SPAG16: variants seen among roughly 807,000 people sequenced by gnomAD.
The protein encoded by SPAG16 is sperm-associated antigen 16 protein.
SPAG16 carries 86 observed loss-of-function variants against 80.4 expected under a neutral mutation model. The ratio of observed to expected loss-of-function variants is 1.07; its 90% CI spans 0.90 to 1.28. SPAG16 has a LOEUF of 1.28. Ranked by LOEUF, SPAG16 falls within the 50% of genes most tolerant of loss-of-function variation. SPAG16 has a pLI of 0.00. For missense variants in SPAG16, 870 were observed against 765.3 expected (o/e 1.14, Z -1.61); for synonymous variants, 294 against 265.9 (o/e 1.11, Z -1.03).
chr2:213,646,155 G>C (rs2062816116), intron 10 of SPAG16, among the ~76,000 whole-genome samples: 1 of 152,166 alleles, frequency 6.6e-6, no homozygotes, highest in African/African-American at 2.4e-5. Flanking sequence ...ATTCAAAACT[G>C]TTTTTCCTAT....
At chr2:213,458,712 C>G (rs1245144999) in intron 9 of SPAG16, among the ~76,000 whole-genome samples, 1 of 152,112 alleles carries the variant, frequency 6.6e-6, no homozygotes. Flanking sequence ...TATTTTCTTT[C>G]AGCACTTTGA....
chr2:213,399,646 A>G (rs142303470), intron 9 of SPAG16, among the ~76,000 whole-genome samples: 16 of 151,912 alleles, frequency 1.1e-4, no homozygotes, highest in Admixed American at 9.8e-4. Context: ...CTGTCTTTTT[A>G]TAATTTTAGT....
intron 10 of SPAG16, among the ~76,000 whole-genome samples, chr2:213,511,405 T>A (rs2075221275): frequency 6.6e-6 from 1 of 152,264 alleles, no homozygotes; most frequent in East Asian, 1.9e-4. Context: ...GTTAAATAAA[T>A]CACTTAGTGT....
intron 10 of SPAG16, among the ~76,000 whole-genome samples, chr2:213,803,305 C>G (rs1000888600): frequency 3.3e-5 from 5 of 151,990 alleles, no homozygotes; most frequent in Non-Finnish European, 7.4e-5. Flanking sequence ...GATTACCCTA[C>G]TAAAATGTAA....
At chr2:213,497,386 G>A (rs1303232829) in intron 10 of SPAG16, among the ~76,000 whole-genome samples, 1 of 149,784 alleles carries the variant, frequency 6.7e-6, no homozygotes, top group Non-Finnish European at 1.5e-5. Flanking sequence ...AAGTAAGTTT[G>A]TTTAGACATT....
chr2:213,632,064 G>A (rs2062176979), intron 10 of SPAG16, among the ~76,000 whole-genome samples: 1 of 151,990 alleles, frequency 6.6e-6, no homozygotes, highest in Admixed American at 6.6e-5. Flanking sequence ...TCTGTAGATT[G>A]TTTTACTAGA....
chr2:213,294,656 T>C (rs1424942459), intron 1 of SPAG16, among the ~76,000 whole-genome samples: 1 of 152,186 alleles, frequency 6.6e-6, no homozygotes, highest in Non-Finnish European at 1.5e-5. Flanking sequence ...TTGGTCATAA[T>C]GGAATGGGGC....
chr2:213,688,833 C>G (rs1347569566), intron 10 of SPAG16, among the ~76,000 whole-genome samples: 1 of 152,072 alleles, frequency 6.6e-6, no homozygotes. Flanking sequence ...TAAATTATCT[C>G]AGATATTATA....
At chr2:213,701,683 G>C (rs1412195214) in intron 10 of SPAG16, among the ~76,000 whole-genome samples, 1 of 152,236 alleles carries the variant, frequency 6.6e-6, no homozygotes, top group Non-Finnish European at 1.5e-5. Context: ...GAAGCTAGCT[G>C]GGCTCCTGAG....
intron 13 of SPAG16, among the ~76,000 whole-genome samples, chr2:214,054,575 C>G (rs2049836748): frequency 1.3e-5 from 2 of 152,052 alleles, no homozygotes; most frequent in Non-Finnish European, 2.9e-5. Flanking sequence ...TTATTAACTT[C>G]AATGAGAATG....
chr2:214,318,622 C>T (rs1695864963), intron 15 of SPAG16, among the ~76,000 whole-genome samples: 1 of 152,014 alleles, frequency 6.6e-6, no homozygotes, highest in South Asian at 2.1e-4. Flanking sequence ...GTGATCCACC[C>T]ACCTTGACCT....
At chr2:214,213,327 C>G (rs781396723) in intron 15 of SPAG16, among the ~76,000 whole-genome samples, 67 of 152,108 alleles carry the variant, frequency 4.4e-4, no homozygotes, top group South Asian at 6.2e-4. Context: ...GTCACTTATT[C>G]CTGAATGCCT....
chr2:213,621,448 GT>G (rs1361196953), intron 10 of SPAG16, among the ~76,000 whole-genome samples: 1 of 152,166 alleles, frequency 6.6e-6, no homozygotes, highest in African/African-American at 2.4e-5. Context: ...GGTTTGATTA[GT>G]GTGACAAACT....
At chr2:213,367,261 G>C (rs1387473085) in intron 8 of SPAG16, among the ~76,000 whole-genome samples, 3 of 150,942 alleles carry the variant, frequency 2.0e-5, no homozygotes, top group Non-Finnish European at 3.0e-5. Context: ...GTGTGCATGT[G>C]TCTTTACAGC....
At chr2:213,557,635 T>A (rs1382652282) in intron 10 of SPAG16, among the ~76,000 whole-genome samples, 1 of 152,132 alleles carries the variant, frequency 6.6e-6, no homozygotes, top group African/African-American at 2.4e-5. Flanking sequence ...TTAAAAAAAA[T>A]TGAGTTGAAG....
intron 15 of SPAG16, among the ~76,000 whole-genome samples, chr2:214,164,526 A>G (rs2056572606): frequency 1.3e-5 from 2 of 152,132 alleles, no homozygotes; most frequent in Non-Finnish European, 2.9e-5. Flanking sequence ...GAAAACTATG[A>G]GAGATGGATC....
intron 13 of SPAG16, among the ~76,000 whole-genome samples, chr2:214,021,903 T>C (rs186547551): frequency 2.0e-5 from 3 of 152,208 alleles, no homozygotes; most frequent in East Asian, 3.9e-4. Flanking sequence ...ATCTTTCCTC[T>C]GAAAAAGCTT....
intron 5 of SPAG16, chr2:213,317,613 C>T: frequency 9.1e-7 from 1 of 1,099,314 alleles, no homozygotes; most frequent in Non-Finnish European, 1.1e-6. Flanking sequence ...ACATTCACTT[C>T]CTTGTGTATT....
chr2:213,686,558 C>T (rs2064682943), intron 10 of SPAG16, among the ~76,000 whole-genome samples: 1 of 151,526 alleles, frequency 6.6e-6, no homozygotes. Flanking sequence ...TCCCTGCAGA[C>T]AGCAAATAAT....
Sources: gnomAD v4.1 joint callset for allele counts (sites outside exome capture counted in the v4.1 genomes callset) on GRCh38, gnomAD v4.1.1 for gene constraint, MANE v1.5 for transcripts, NCBI Gene and HGNC (gene_info 2026-07-23, HGNC 2026-07-21) for gene names.